HPSE2: variants seen among roughly 807,000 people sequenced by gnomAD.
The protein encoded by HPSE2 is inactive heparanase-2.
In HPSE2, 38 loss-of-function variants were observed where a neutral mutation model predicts 60.5. The ratio of observed to expected loss-of-function variants is 0.63; its 90% CI spans 0.48 to 0.82. The LOEUF is 0.82. HPSE2 is among the 40% of genes least tolerant of loss of function. The pLI is 0.00. For synonymous variants in HPSE2, 295 were observed against 293.2 expected (o/e 1.01, Z -0.06); for missense variants, 713 against 740.4 (o/e 0.96, Z 0.43).
intron 2 of HPSE2, among the ~76,000 whole-genome samples, chr10:99,230,475 A>G (rs1013117198): frequency 1.3e-5 from 2 of 152,124 alleles, no homozygotes; most frequent in Admixed American, 6.5e-5. Context: ...ATGATCCTAT[A>G]CTGGCCCCTA....
chr10:99,168,122 ACACACG>A (rs910396788), intron 2 of HPSE2, among the ~76,000 whole-genome samples: 7 of 129,234 alleles, frequency 5.4e-5, no homozygotes, highest in African/African-American at 1.8e-4. Flanking sequence ...ACACACACAC[ACACACG>A]GCTTTGTAGG....
At chr10:99,301,559 T>G in the HPSE2 span, among the ~76,000 whole-genome samples, 1 of 152,194 alleles carries the variant, frequency 6.6e-6, no homozygotes, top group Non-Finnish European at 1.5e-5. Flanking sequence ...CCTCTTTCCT[T>G]TGCAAATTGC....
chr10:98,759,861 G>T (rs898525238), intron 3 of HPSE2, among the ~76,000 whole-genome samples: 4 of 152,022 alleles, frequency 2.6e-5, no homozygotes, highest in Admixed American at 6.6e-5. Flanking sequence ...GAATTGCATT[G>T]AATCTGTAGA....
At chr10:98,930,764 T>C (rs1232154111) in intron 3 of HPSE2, among the ~76,000 whole-genome samples, 5 of 144,868 alleles carry the variant, frequency 3.5e-5, no homozygotes. Context: ...GCTGCATGTA[T>C]GTCTTTTTTT....
chr10:98,930,972 A>C (rs1328414986), intron 3 of HPSE2, among the ~76,000 whole-genome samples: 1 of 143,870 alleles, frequency 7.0e-6, no homozygotes, highest in Non-Finnish European at 1.5e-5. Context: ...CCTTAGTTTA[A>C]TTAGATCCCA....
At chr10:98,826,907 G>A (rs544844848) in intron 3 of HPSE2, among the ~76,000 whole-genome samples, 2 of 152,200 alleles carry the variant, frequency 1.3e-5, no homozygotes, top group East Asian at 1.9e-4. Context: ...CAGCACTTTG[G>A]GAGGCCAGGG....
intron 2 of HPSE2, among the ~76,000 whole-genome samples, chr10:99,159,244 T>C (rs1455187296): frequency 6.6e-6 from 1 of 152,052 alleles, no homozygotes; most frequent in Admixed American, 6.6e-5. Context: ...TTAATACAAC[T>C]GAAAAACCTT....
chr10:98,998,212 G>T (rs1223626896), intron 3 of HPSE2, among the ~76,000 whole-genome samples: 1 of 152,182 alleles, frequency 6.6e-6, no homozygotes, highest in Non-Finnish European at 1.5e-5. Context: ...AAAAGAGAAA[G>T]TTGTGATTTG....
intron 2 of HPSE2, among the ~76,000 whole-genome samples, chr10:99,168,205 CATG>C (rs1396689940): frequency 6.6e-6 from 1 of 151,780 alleles, no homozygotes; most frequent in African/African-American, 2.4e-5. Flanking sequence ...TCTTCCTATC[CATG>C]ATATGACATA....
chr10:99,109,351 A>G (rs1167050120), intron 3 of HPSE2, among the ~76,000 whole-genome samples: 1 of 152,104 alleles, frequency 6.6e-6, no homozygotes, highest in African/African-American at 2.4e-5. Flanking sequence ...TTCAAATTAA[A>G]TTTTATTTAA....
At chr10:99,134,153 GAAGAC>G (rs1255878699) in intron 3 of HPSE2, among the ~76,000 whole-genome samples, 2 of 152,048 alleles carry the variant, frequency 1.3e-5, no homozygotes, top group Non-Finnish European at 2.9e-5. Context: ...ATGAAATAGA[GAAGAC>G]AAGATTAGAG....
chr10:99,305,979 G>GCACGCGCACACACACACACACACACACA, the HPSE2 span, among the ~76,000 whole-genome samples: 1 of 80,580 alleles, frequency 1.2e-5, no homozygotes, highest in African/African-American at 5.4e-5. Context: ...GCGCGCGCGC[G>GCACGCGCACACACACACACACACACACA]CACACACACA....
intron 2 of HPSE2, among the ~76,000 whole-genome samples, chr10:99,181,180 C>T (rs1234735644): frequency 2.0e-5 from 3 of 151,070 alleles, no homozygotes; most frequent in Non-Finnish European, 4.4e-5. Context: ...GGGCGGATCA[C>T]GAGGTCAGGA....
At position 99,102,635 on chromosome 10, in the gene HPSE2, C is replaced by T. The variant is rs12247420; in HGVS notation, c.610+41603G>A. On this transcript the variant is annotated intron_variant, in intron 3 of 11. Coordinates refer to ENST00000370552, the MANE Select transcript of HPSE2 (RefSeq NM_021828.5). ...GAATCCTCCCTAACTCATTTTATGA[C>T]GCCAGCATCATCCTGATACCAAAGC... is the stretch of plus-strand genomic sequence containing the variant. Among the ~76,000 whole-genome samples the T allele has an allele frequency of 2.1e-3, 322 of 152,070 alleles. 2 individuals are homozygous for T. Among genetic ancestry groups the T allele is most frequent in the African/African-American group, 7.1e-3 (296 of 41,502 alleles).
At chr10:98,895,447 T>C (rs914028861) in intron 3 of HPSE2, among the ~76,000 whole-genome samples, 1 of 152,174 alleles carries the variant, frequency 6.6e-6, no homozygotes, top group Non-Finnish European at 1.5e-5. Context: ...TGTGTGTATT[T>C]TAATTATTTC....
At chr10:99,012,613 C>G (rs746316381) in intron 3 of HPSE2, among the ~76,000 whole-genome samples, 3 of 152,006 alleles carry the variant, frequency 2.0e-5, no homozygotes, top group Admixed American at 6.6e-5. Flanking sequence ...AAATCAAAGC[C>G]ATTAACTTGA....
intron 9 of HPSE2, among the ~76,000 whole-genome samples, chr10:98,514,593 G>A (rs1942528998): frequency 6.6e-6 from 1 of 151,586 alleles, no homozygotes; most frequent in South Asian, 2.1e-4. Flanking sequence ...TTTGTTCAAA[G>A]ATTTATTTGT....
chr10:99,290,578 C>G, the HPSE2 span, among the ~76,000 whole-genome samples: 1 of 148,908 alleles, frequency 6.7e-6, no homozygotes, highest in Non-Finnish European at 1.5e-5. Context: ...TTTTCCACCT[C>G]AGACCAGGTG....
chr10:99,085,850 T>C (rs970101390), intron 3 of HPSE2, among the ~76,000 whole-genome samples: 5 of 152,198 alleles, frequency 3.3e-5, no homozygotes, highest in Non-Finnish European at 7.4e-5. Flanking sequence ...ATATAACTTA[T>C]GTTCTAAACA....
Sources: gnomAD v4.1 joint callset for allele counts (sites outside exome capture counted in the v4.1 genomes callset) on GRCh38, gnomAD v4.1.1 for gene constraint, MANE v1.5 for transcripts, NCBI Gene and HGNC (gene_info 2026-07-23, HGNC 2026-07-21) for gene names.